MTMR3: variants seen among roughly 807,000 people sequenced by gnomAD.
MTMR3 encodes the protein phosphatidylinositol-3,5-bisphosphate 3-phosphatase MTMR3.
Under a neutral mutation model 132.4 loss-of-function variants are expected in MTMR3, and 32 were observed. The ratio of observed to expected loss-of-function variants is 0.24; its 90% CI spans 0.18 to 0.32. The LOEUF (loss-of-function observed/expected upper bound fraction) is 0.32, where lower values mean the gene tolerates loss of function less well. MTMR3 is among the 10% of genes least tolerant of loss of function. The pLI, the probability that MTMR3 is intolerant of heterozygous loss-of-function variation, is 1.00. For synonymous variants in MTMR3, 556 were observed against 550.3 expected, an observed-to-expected ratio of 1.01 and a Z score of -0.14; for missense variants, 1,216 against 1,489.6, an observed-to-expected ratio of 0.82 and a Z score of 3.02.
At chr22:29,973,889 G>A (rs1234000090) in intron 3 of MTMR3, among the ~76,000 whole-genome samples, 6 of 152,096 alleles carry the variant, frequency 3.9e-5, no homozygotes, top group Middle Eastern at 6.8e-3. Context: ...ATGAGTCACC[G>A]CACCCGGCCC....
intron 3 of MTMR3, chr22:29,978,216 C>G (rs1210627222): frequency 1.1e-5 from 4 of 373,004 alleles, no homozygotes; most frequent in Non-Finnish European, 2.0e-5. Flanking sequence ...TAGAAATATT[C>G]TAACCTCTTT....
chr22:29,967,977 G>C (rs2066462670), intron 2 of MTMR3, among the ~76,000 whole-genome samples: 1 of 150,756 alleles, frequency 6.6e-6, no homozygotes, highest in South Asian at 2.1e-4. Flanking sequence ...TTCACATTTT[G>C]TTTGTCCATT....
At chr22:29,927,036 T>A (rs1190198284) in intron 1 of MTMR3, among the ~76,000 whole-genome samples, 1 of 152,216 alleles carries the variant, frequency 6.6e-6, no homozygotes, top group Non-Finnish European at 1.5e-5. Flanking sequence ...GAGTTCTTAT[T>A]TAATTCTTTG....
At chr22:29,938,323 C>T (rs987085127) in intron 1 of MTMR3, among the ~76,000 whole-genome samples, 8 of 152,162 alleles carry the variant, frequency 5.3e-5, no homozygotes, top group Non-Finnish European at 1.2e-4. Context: ...ATACCCACAC[C>T]CCCCTTTCTT....
In MTMR3 at chr22:29,896,263, T is replaced by A. The variant is rs563378314; in HGVS notation, c.-138+12904T>A. 1.3e-3 allele frequency among the ~76,000 whole-genome samples: 192 copies of A among 152,218 alleles called. 3 individuals carry two copies. In the Middle Eastern group the frequency reaches 0.017, roughly 13 times the overall value. On this transcript the variant is annotated intron_variant, in intron 1 of 19. Coordinates refer to ENST00000401950, the MANE Select transcript of MTMR3 (RefSeq NM_021090.4). Reference sequence around the variant, plus strand: ...AAGTAGAGGTTGCAGTGAGCCCAGATCACACCACTGCACTCCAGCCTAGGT... The same window carrying A: ...AAGTAGAGGTTGCAGTGAGCCCAGAACACACCACTGCACTCCAGCCTAGGT...
chr22:29,978,665 ACATCT>A (rs2145885178), intron 4 of MTMR3, 134 bp downstream of exon 4: 2 of 696,110 alleles, frequency 2.9e-6, no homozygotes, highest in South Asian at 4.7e-5. Flanking sequence ...AAGCTGGAAA[ACATCT>A]CATTTTAGCA....
In MTMR3 at chr22:29,957,517, T is replaced by TTA. The variant is rs547169330; in HGVS notation, c.-85+432_-85+433dup. Among the ~76,000 whole-genome samples the TTA allele has an allele frequency of 8.7e-4, 132 of 152,040 alleles. 1 individual carries two copies. The highest frequency in any genetic ancestry group is 2.9e-3 in the African/African-American group (121 of 41,462). On this transcript the variant is annotated intron_variant, in intron 2 of 19. Transcript: ENST00000401950. ...CCCAGGCTGGAGTACAGTTAGGTGATTATAGCTCACTGCAGCCTTGAACCC... is the reference window on the plus strand; with the variant it reads ...CCCAGGCTGGAGTACAGTTAGGTGATTATATAGCTCACTGCAGCCTTGAACCC...
At chr22:29,964,673 C>A (rs954575669) in intron 2 of MTMR3, among the ~76,000 whole-genome samples, 1 of 152,152 alleles carries the variant, frequency 6.6e-6, no homozygotes, top group Admixed American at 6.5e-5. Flanking sequence ...CGTACTGCCT[C>A]CATTCTAAAT....
intron 14 of MTMR3, chr22:30,014,074 T>G (rs934404727): frequency 6.5e-6 from 1 of 152,682 alleles, no homozygotes; most frequent in African/African-American, 2.4e-5. Context: ...ATGTGTAGTG[T>G]CTCTCATCTT....
chr22:29,991,166 A>C (rs562770331), intron 6 of MTMR3: 14 of 166,402 alleles, frequency 8.4e-5, no homozygotes, highest in Non-Finnish European at 1.7e-4. Flanking sequence ...ACAACCATAA[A>C]ACTTCGATGG....
intron 16 of MTMR3, 67 bp from the exon 17 acceptor site, chr22:30,019,413 C>T: frequency 2.1e-6 from 3 of 1,439,672 alleles, no homozygotes; most frequent in Non-Finnish European, 2.8e-6. Context: ...TTGTTAAAAC[C>T]TATTGTCTCC....
At chr22:29,937,551 G>A (rs1354437939) in intron 1 of MTMR3, among the ~76,000 whole-genome samples, 2 of 151,820 alleles carry the variant, frequency 1.3e-5, no homozygotes, top group Non-Finnish European at 2.9e-5. Context: ...CGAGTAGCGG[G>A]GACTATAGGC....
intron 1 of MTMR3, among the ~76,000 whole-genome samples, chr22:29,932,797 AATAAT>A (rs1454437704): frequency 3.3e-5 from 5 of 152,166 alleles, no homozygotes; most frequent in South Asian, 2.1e-4. Flanking sequence ...TAGTTATAGA[AATAAT>A]ATAAGGAACT....
intron 2 of MTMR3, among the ~76,000 whole-genome samples, chr22:29,962,498 C>T (rs2066331069): frequency 6.6e-6 from 1 of 152,040 alleles, no homozygotes. Context: ...GTGAGCCTCC[C>T]CTTTTCCCCC....
intron 2 of MTMR3, among the ~76,000 whole-genome samples, chr22:29,957,377 C>G (rs1602563534): frequency 6.7e-6 from 1 of 149,852 alleles, no homozygotes; most frequent in Non-Finnish European, 1.5e-5. Context: ...CAGCACTAAT[C>G]ATTTGTCTAA....
intron 1 of MTMR3, among the ~76,000 whole-genome samples, chr22:29,938,735 A>G (rs897547111): frequency 2.0e-5 from 3 of 152,156 alleles, no homozygotes; most frequent in African/African-American, 4.8e-5. Flanking sequence ...CTTCTTTTCC[A>G]TAGAATGTTT....
At chr22:29,889,645 G>A (rs2064753869) in intron 1 of MTMR3, among the ~76,000 whole-genome samples, 1 of 151,762 alleles carries the variant, frequency 6.6e-6, no homozygotes, top group African/African-American at 2.4e-5. Flanking sequence ...ATCCCATCTG[G>A]ATGTAATGTT....
chr22:30,008,996 T>C, intron 11 of MTMR3, 22 bp from the exon 12 acceptor site: 1 of 1,525,482 alleles, frequency 6.6e-7, no homozygotes, highest in Admixed American at 1.7e-5. Flanking sequence ...ATTTGTGTTC[T>C]CTTTATTGTT....
intron 12 of MTMR3, chr22:30,011,619 T>A (rs1218004749): frequency 1.3e-5 from 2 of 152,272 alleles, no homozygotes; most frequent in Admixed American, 6.5e-5. Context: ...CACCTCAGCC[T>A]CCGAAAGTGC....
Sources: gnomAD v4.1 joint callset for allele counts (sites outside exome capture counted in the v4.1 genomes callset) on GRCh38, gnomAD v4.1.1 for gene constraint, MANE v1.5 for transcripts, NCBI Gene and HGNC (gene_info 2026-07-23, HGNC 2026-07-21) for gene names.